The following USP6NL variants were observed in gnomAD, a reference collection of about 807,000 sequenced individuals.
USP6NL encodes the protein USP6 N-terminal like, also known as USP6 N-terminal-like protein.
Under a neutral mutation model 61.9 loss-of-function variants are expected in USP6NL, and 26 were observed. The observed-to-expected ratio is 0.42, with a 90% confidence interval of 0.31 to 0.58. The LOEUF is 0.58. Among genes scored for constraint, USP6NL ranks in the 20% least tolerant of loss-of-function variants. The probability of loss-of-function intolerance (pLI) is 0.16; values close to 1 mark genes in which losing one functional copy is unlikely to be tolerated. For missense variants in USP6NL, 1,114 were observed against 1,034.3 expected (o/e 1.08, Z -1.06); for synonymous variants, 432 against 390.1 (o/e 1.11, Z -1.27).
At position 11,462,445 on chromosome 10, in the gene USP6NL, A is replaced by G. The variant is rs562437933; in HGVS notation, c.2483T>C (p.Leu828Pro). The G allele has an allele frequency of 1.2e-6, 2 of 1,612,632 alleles. No homozygotes were observed. Among genetic ancestry groups the G allele is most frequent in the African/African-American group, 2.7e-5 (2 of 74,898 alleles). The stretch of plus-strand genomic sequence containing the variant: ...TTAGCAAGTACACGTCAAATCTCAC[A>G]GCAACACTGACTCTTGGATGGAAAG... ...DGLSIQESVL[L>P] is the part of the protein sequence containing the mutation. Residue 828 changes from leucine (L) to proline (P), a missense_variant, in exon 15 of 15, where the codon CTG (leucine) becomes CCG (proline). Transcript: ENST00000609104.
chr10:11,463,106 G>C lies in USP6NL; in HGVS notation c.1822C>G (p.Gln608Glu), dbSNP rs375123048. 17 of 1,614,028 alleles carry C rather than the reference G, an allele frequency of 1.1e-5. No homozygotes were observed. In the African/African-American group the frequency reaches 1.6e-4, roughly 15 times the overall value. Residue 608 changes from glutamine to glutamate, a missense_variant, in exon 15 of 15, where the codon CAG (glutamine) becomes GAG (glutamate). By Grantham distance (29) the Gln-to-Glu change is conservative. Transcript: ENST00000609104. The surrounding 1 kb of genome is among the most constrained non-coding windows in gnomAD (Gnocchi z 6.3). ...KVSNKFTFKVQPPSHARYPSQ... is the reference protein window; with the variant it reads ...KVSNKFTFKVEPPSHARYPSQ... ...GGATATCGTGCATGACTTGGAGGCT[G>C]TACTTTAAAAGTAAACTTGTTGGAT... is the stretch of plus-strand genomic sequence containing the variant.
intron 14 of USP6NL, among the ~76,000 whole-genome samples, chr10:11,471,175 T>G (rs1052457590): frequency 4.6e-5 from 7 of 151,906 alleles, no homozygotes; most frequent in Non-Finnish European, 5.9e-5. Context: ...AGAGTGAGAC[T>G]CTTGTCTCAA....
chr10:11,502,308 G>A (rs1834237959), intron 6 of USP6NL, among the ~76,000 whole-genome samples: 1 of 150,286 alleles, frequency 6.7e-6, no homozygotes, highest in African/African-American at 2.4e-5. Context: ...CTCCATCCTT[G>A]AAAGTGTACT....
rs570422043 is a variant in USP6NL at position 11,589,417 on chromosome 10, C to T, written c.4+8214G>A. Among the ~76,000 whole-genome samples, 1 of 152,326 alleles carries T rather than the reference C, an allele frequency of 6.6e-6. No homozygotes were observed. The highest frequency in any genetic ancestry group is 1.9e-4 in the East Asian group (1 of 5,196). ...CTCCCCTAATCCAGAACACTTCACA[C>T]ATGACCTACATCTACATATCATAGA... On this transcript the variant is annotated intron_variant, in intron 2 of 14. Coordinates refer to ENST00000609104, the MANE Select transcript of USP6NL (RefSeq NM_014688.5). This position sits in a 1 kb window ranked among gnomAD's most constrained non-coding sequence, Gnocchi z 4.7.
Position 11,462,701 on chromosome 10 carries a change from A to C in USP6NL, c.2227T>G (p.Tyr743Asp), listed in dbSNP as rs1301203721. Residue 743 changes from tyrosine to aspartate, a missense_variant, in exon 15 of 15, where the codon TAC (tyrosine) becomes GAC (aspartate). By Grantham distance (160) the Tyr-to-Asp change is radical (BLOSUM62 -3). Coordinates refer to ENST00000609104, the MANE Select transcript of USP6NL (RefSeq NM_014688.5). ...GATTGTCCCTGCGTCTCAGGTCTGTATGTATAACTAACTTCTGACCATGTT... is the reference window on the plus strand; with the variant it reads ...GATTGTCCCTGCGTCTCAGGTCTGTCTGTATAACTAACTTCTGACCATGTT... ...NRTWSEVSYT[Y>D]RPETQGQSWT... is the part of the protein sequence containing the mutation. The C allele has an allele frequency of 1.9e-6, 3 of 1,614,014 alleles. No individual in the cohort carries two copies. The Admixed American group carries it at 5.0e-5, about 27-fold the overall frequency.
Position 11,468,828 on chromosome 10 carries a change from T to C in USP6NL, c.1079-4979A>G, listed in dbSNP as rs1427726628. ...AATGTAGAATTACCAATATAAGGCA[T>C]GTGTTTCTTAGGAGAAAGAAAAAAC... On this transcript the variant is annotated intron_variant, in intron 14 of 14. Transcript: ENST00000609104. The surrounding 1 kb of genome is among the most constrained non-coding windows in gnomAD (Gnocchi z 4.5). Among the ~76,000 whole-genome samples the C allele has an allele frequency of 6.6e-6, 1 of 152,098 alleles. No individual in the cohort carries two copies. The highest frequency in any genetic ancestry group is 2.4e-5 in the African/African-American group (1 of 41,422).
rs964591000 is a variant in USP6NL at position 11,485,528 on chromosome 10, T to C, written c.759+289A>G. The stretch of plus-strand genomic sequence containing the variant: ...CCCTGAAAAAATATTTTTTGTACAA[T>C]GAAAAAACCTCCAAAACAACTGGGA... On this transcript the variant is annotated intron_variant, in intron 11 of 14. Coordinates refer to ENST00000609104, the MANE Select transcript of USP6NL (RefSeq NM_014688.5). This position sits in a 1 kb window ranked among gnomAD's most constrained non-coding sequence, Gnocchi z 4.8. 6.6e-6 allele frequency among the ~76,000 whole-genome samples: 1 copy of C among 152,076 alleles called. No individual in the cohort carries two copies. The highest frequency in any genetic ancestry group is 1.5e-5 in the Non-Finnish European group (1 of 67,968).
intron 14 of USP6NL, among the ~76,000 whole-genome samples, chr10:11,475,379 G>T (rs1330282931): frequency 6.6e-6 from 1 of 151,414 alleles, no homozygotes; most frequent in African/African-American, 2.4e-5. Context: ...ATCACCTGAG[G>T]GTCAGGAGTT....
At chr10:11,584,076 G>A (rs1588411728) in intron 2 of USP6NL, among the ~76,000 whole-genome samples, 1 of 152,028 alleles carries the variant, frequency 6.6e-6, no homozygotes, top group African/African-American at 2.4e-5. Flanking sequence ...TTAGCTGGGT[G>A]TGGTGGCGTG....
At chr10:11,475,480 C>T (rs1032022130) in intron 14 of USP6NL, among the ~76,000 whole-genome samples, 1 of 150,954 alleles carries the variant, frequency 6.6e-6, no homozygotes, top group Non-Finnish European at 1.5e-5. Flanking sequence ...CCTATAATCC[C>T]AGCTATTTGG....
At chr10:11,523,014 A>G (rs1467206439) in intron 4 of USP6NL, among the ~76,000 whole-genome samples, 1 of 152,234 alleles carries the variant, frequency 6.6e-6, no homozygotes, top group East Asian at 1.9e-4. Flanking sequence ...ACCTACCCCA[A>G]AGAGCTTTTC....
intron 6 of USP6NL, among the ~76,000 whole-genome samples, chr10:11,501,911 G>GGGAAGACATCA (rs1834213847): frequency 6.6e-6 from 1 of 151,896 alleles, no homozygotes; most frequent in Non-Finnish European, 1.5e-5. Context: ...CAAAAACAAC[G>GGGAAGACATCA]ATAAATCTTC....
At chr10:11,500,665 A>G (rs1226229584) in intron 7 of USP6NL, among the ~76,000 whole-genome samples, 1 of 152,138 alleles carries the variant, frequency 6.6e-6, no homozygotes, top group African/African-American at 2.4e-5. Context: ...TCATGCTAGA[A>G]GAAAAGAATC....
intron 2 of USP6NL, among the ~76,000 whole-genome samples, chr10:11,565,946 A>G (rs377584174): frequency 6.6e-6 from 1 of 152,220 alleles, no homozygotes; most frequent in African/African-American, 2.4e-5. Flanking sequence ...TTCAACCAGC[A>G]TATGTCCAGC....
At chr10:11,606,109 C>A (rs12781475) in intron 1 of USP6NL, among the ~76,000 whole-genome samples, 17,212 of 151,974 alleles carry the variant, frequency 0.11, 1,288 homozygotes, top group East Asian at 0.16. Context: ...AAGCCAAAGA[C>A]AAAATGAAAA....
Position 11,562,399 on chromosome 10 carries a change from T to TA in USP6NL, c.5-34833_5-34832insT, listed in dbSNP as rs1566182724. The stretch of plus-strand genomic sequence containing the variant: ...TGACACCAACTTCAGATTTCCCCTT[T>TA]TCCTTTTTCTTCTTGCTTGGCTCTT... On this transcript the variant is annotated intron_variant, in intron 2 of 14. Coordinates refer to ENST00000609104, the MANE Select transcript of USP6NL (RefSeq NM_014688.5). This position sits in a 1 kb window ranked among gnomAD's most constrained non-coding sequence, Gnocchi z 4.8. 1.2e-5 allele frequency: 12 copies of TA among 985,202 alleles called. No individual in the cohort carries two copies. In the Admixed American group the frequency reaches 1.8e-4, roughly 15 times the overall value. The allele number at this position is 985,202 out of a possible 1,614,324, so 61.0% of individuals were successfully genotyped here.
In USP6NL at chr10:11,462,349, C is replaced by T; in HGVS notation, c.*92G>A. On this transcript the variant is annotated 3_prime_UTR_variant, in exon 15 of 15. Coordinates refer to ENST00000609104, the MANE Select transcript of USP6NL (RefSeq NM_014688.5). Reference sequence around the variant, plus strand: ...ACAGGAGAGATGTGCGAGTTGTTTACAATAGTATAAATACTGCTTTGGCAA... The same window carrying T: ...ACAGGAGAGATGTGCGAGTTGTTTATAATAGTATAAATACTGCTTTGGCAA... The T allele has an allele frequency of 2.1e-6, 3 of 1,406,780 alleles. No individual in the cohort carries two copies. Among genetic ancestry groups the T allele is most frequent in the South Asian group, 1.4e-5 (1 of 69,000 alleles). The allele number at this position is 1,406,780 out of a possible 1,614,324, so 87.1% of individuals were successfully genotyped here. A position where few individuals can be genotyped will look rare whatever the true frequency, so the allele number is the denominator to read the frequency against.
Position 11,595,787 on chromosome 10 carries a change from GAA to G in USP6NL, c.4+1842_4+1843del, listed in dbSNP as rs1838307109. Among the ~76,000 whole-genome samples the G allele has an allele frequency of 6.6e-6, 1 of 152,116 alleles. No homozygotes were observed. Among genetic ancestry groups the G allele is most frequent in the African/African-American group, 2.4e-5 (1 of 41,504 alleles). ...AAATTTTAAAATTATCAAATGATCT[GAA>G]AAAGACTTTAAAATAAGCATGTAAA... On this transcript the variant is annotated intron_variant, in intron 2 of 14. Transcript: ENST00000609104. The surrounding 1 kb of genome is among the most constrained non-coding windows in gnomAD (Gnocchi z 5.3).
chr10:11,522,774 T>C (rs11257150), intron 4 of USP6NL, among the ~76,000 whole-genome samples: 2 of 152,236 alleles, frequency 1.3e-5, no homozygotes, highest in African/African-American at 4.8e-5. Flanking sequence ...GTTTTCCCCC[T>C]TTAAATTTCT....
Sources: allele counts gnomAD v4.1 joint callset (sites outside exome capture counted in the v4.1 genomes callset), GRCh38; gene constraint gnomAD v4.1.1; non-coding constraint Gnocchi (gnomAD v3.1); transcripts MANE v1.5; gene names NCBI Gene and HGNC (gene_info 2026-07-23, HGNC 2026-07-21).